The following CLASP1 variants were observed in gnomAD, a reference collection of about 807,000 sequenced individuals.
CLASP1 encodes cytoplasmic linker associated protein 1, also known as CLIP-associating protein 1.
A neutral mutation model predicts 192.3 loss-of-function variants in CLASP1; 38 were observed. That is an observed-to-expected ratio of 0.20 (90% CI 0.15 to 0.26). CLASP1 has a LOEUF of 0.26. Among genes scored for constraint, CLASP1 ranks in the 10% least tolerant of loss-of-function variants. CLASP1 has a pLI of 1.00. For synonymous variants in CLASP1, 691 were observed against 712.8 expected, an observed-to-expected ratio of 0.97 and a Z score of 0.49; for missense variants, 1,433 against 1,932.5, an observed-to-expected ratio of 0.74 and a Z score of 4.85.
chr2:121,616,098 G>C (rs2066411850), intron 1 of CLASP1, among the ~76,000 whole-genome samples: 1 of 152,116 alleles, frequency 6.6e-6, no homozygotes, highest in Non-Finnish European at 1.5e-5. Context: ...TTCCATACCA[G>C]AGTATCAAGA....
At chr2:121,448,217 G>A (rs1559235339) in intron 18 of CLASP1, 59 bp downstream of exon 18, 2 of 1,476,032 alleles carry the variant, frequency 1.4e-6, no homozygotes, top group African/African-American at 2.8e-5. Flanking sequence ...GCCTCTTGCA[G>A]CTGCACGTAC....
intron 4 of CLASP1, among the ~76,000 whole-genome samples, chr2:121,528,176 C>CAAGGCCA (rs1478752761): frequency 6.6e-6 from 1 of 152,192 alleles, no homozygotes; most frequent in Non-Finnish European, 1.5e-5. Context: ...GTGAGGAAAG[C>CAAGGCCA]AAGGCCAAAG....
intron 22 of CLASP1, among the ~76,000 whole-genome samples, chr2:121,423,689 T>C (rs1346026153): frequency 1.3e-5 from 2 of 152,214 alleles, no homozygotes; most frequent in Non-Finnish European, 2.9e-5. Context: ...ATATTCCAGC[T>C]GTGACCTTTT....
chr2:121,401,620 T>G, exon 28 of CLASP1: 2 of 1,612,618 alleles, frequency 1.2e-6, no homozygotes, highest in South Asian at 1.1e-5. Context: ...TTGTAAATCA[T>G]CCTTATGAAT....
chr2:121,369,320 C>T lies in CLASP1; in HGVS notation c.3643-1489G>A, dbSNP rs145800454. ...ATGTAAAAATAATACATAATATATG[C>T]GTAGACAGAAACAAATTAAGACTAA... On this transcript the variant is annotated intron_variant, in intron 34 of 39. Transcript: ENST00000263710. Among the ~76,000 whole-genome samples, 11 of 152,036 alleles carry T rather than the reference C, an allele frequency of 7.2e-5. No homozygotes were observed. The East Asian group carries it at 1.7e-3, about 24-fold the overall frequency.
chr2:121,363,242 G>A (rs2066748037), exon 37 of CLASP1: 1 of 1,613,850 alleles, frequency 6.2e-7, no homozygotes, highest in Non-Finnish European at 8.5e-7. Context: ...TTTAAATCTT[G>A]CTGGTTGATT....
intron 8 of CLASP1, among the ~76,000 whole-genome samples, chr2:121,474,420 C>T (rs1344959363): frequency 6.6e-6 from 1 of 152,186 alleles, no homozygotes; most frequent in Non-Finnish European, 1.5e-5. Context: ...TCACCAACAC[C>T]TGTATGTAAT....
chr2:121,449,713 T>C (rs1204900553), intron 16 of CLASP1, among the ~76,000 whole-genome samples: 1 of 152,132 alleles, frequency 6.6e-6, no homozygotes, highest in East Asian at 1.9e-4. Context: ...ATCACTTATT[T>C]TGGTAGAAAC....
intron 14 of CLASP1, among the ~76,000 whole-genome samples, chr2:121,457,163 T>C (rs1401706494): frequency 1.3e-5 from 2 of 152,162 alleles, no homozygotes; most frequent in African/African-American, 4.8e-5. Flanking sequence ...CTGTGTCTTC[T>C]GGGTATATCT....
chr2:121,420,854 C>T (rs1256146705), intron 22 of CLASP1, among the ~76,000 whole-genome samples: 1 of 152,114 alleles, frequency 6.6e-6, no homozygotes, highest in Non-Finnish European at 1.5e-5. Context: ...TGCTCTTTTT[C>T]GTCTGAGTCT....
At chr2:121,460,706 A>G (rs931622353) in intron 11 of CLASP1, among the ~76,000 whole-genome samples, 1 of 152,124 alleles carries the variant, frequency 6.6e-6, no homozygotes, top group Admixed American at 6.6e-5. Flanking sequence ...ATCTACTTTT[A>G]AAAATAAAGG....
At chr2:121,506,183 A>T (rs779193209) in intron 7 of CLASP1, among the ~76,000 whole-genome samples, 1 of 152,242 alleles carries the variant, frequency 6.6e-6, no homozygotes, top group Non-Finnish European at 1.5e-5. Context: ...AAAACCGTCC[A>T]AATCAACTTA....
chr2:121,478,888 C>A (rs1327377166), intron 8 of CLASP1, among the ~76,000 whole-genome samples: 6 of 14,316 alleles, frequency 4.2e-4, no homozygotes, highest in South Asian at 2.1e-3. Context: ...ACACACACAC[C>A]ACACACACAC....
At chr2:121,502,171 T>A (rs148937616) in intron 8 of CLASP1, among the ~76,000 whole-genome samples, 1 of 152,080 alleles carries the variant, frequency 6.6e-6, no homozygotes, top group African/African-American at 2.4e-5. Flanking sequence ...TAGACTACAA[T>A]TGACATCAAA....
rs2094767447 is a variant in CLASP1 at position 121,530,773 on chromosome 2, G to A, written c.196-448C>T. 5.4e-6 allele frequency: 3 copies of A among 559,080 alleles called. No homozygotes were observed. In the South Asian group the frequency reaches 6.8e-5, roughly 13 times the overall value. 34.6% of individuals were successfully genotyped at this position (559,080 alleles called of 1,614,324 possible). ...GTGTCGTCGAAAGCTGTGGAGGCTG[G>A]AGGTAAGCTAGCTACCAGACCGACT... On this transcript the variant is annotated intron_variant, in intron 2 of 39. Transcript: ENST00000263710.
chr2:121,483,669 C>G (rs1270633389), intron 8 of CLASP1, among the ~76,000 whole-genome samples: 1 of 151,938 alleles, frequency 6.6e-6, no homozygotes, highest in South Asian at 2.1e-4. Context: ...AATGTTCATT[C>G]AAATCTAAAT....
At chr2:121,577,910 C>A (rs374870683) in intron 2 of CLASP1, among the ~76,000 whole-genome samples, 1 of 151,974 alleles carries the variant, frequency 6.6e-6, no homozygotes, top group East Asian at 1.9e-4. Context: ...CCTATCTCTA[C>A]AAAAATTTCA....
intron 7 of CLASP1, among the ~76,000 whole-genome samples, chr2:121,515,393 C>A (rs2094259441): frequency 6.6e-6 from 1 of 152,052 alleles, no homozygotes. Context: ...TGTAAGAGTG[C>A]TGAATTTTTC....
chr2:121,530,401 G>T, intron 2 of CLASP1, 76 bp from the exon 3 acceptor site: 1 of 1,203,054 alleles, frequency 8.3e-7, no homozygotes, highest in Non-Finnish European at 1.2e-6. Context: ...CTCCGGGGAG[G>T]CCTAGACATT....
Sources: gnomAD v4.1 joint callset for allele counts (sites outside exome capture counted in the v4.1 genomes callset) on GRCh38, gnomAD v4.1.1 for gene constraint, MANE v1.5 for transcripts, NCBI Gene and HGNC (gene_info 2026-07-23, HGNC 2026-07-21) for gene names.